The following SLC5A4 variants were observed in gnomAD, a reference collection of about 807,000 sequenced individuals.
The protein encoded by SLC5A4 is solute carrier family 5 member 4.
A neutral mutation model predicts 70.3 loss-of-function variants in SLC5A4; 55 were observed. The observed-to-expected ratio is 0.78, with a 90% CI of 0.63 to 0.98. The LOEUF is 0.98. Ranked by LOEUF, SLC5A4 falls within the 50% of genes least tolerant of loss-of-function variation. The probability of loss-of-function intolerance (pLI) is 0.00; values close to 1 mark genes in which losing one functional copy is unlikely to be tolerated. For synonymous variants in SLC5A4, 268 were observed against 305.7 expected (o/e 0.88, Z 1.29); for missense variants, 735 against 839.2 (o/e 0.88, Z 1.53).
chr22:32,262,000 T>C, the SLC5A4 span, among the ~76,000 whole-genome samples: 1 of 152,200 alleles, frequency 6.6e-6, no homozygotes, highest in Non-Finnish European at 1.5e-5. Context: ...GCAAATGACA[T>C]GATCTCCTTT....
chr22:32,242,502 G>A (rs1926593066), intron 5 of SLC5A4, among the ~76,000 whole-genome samples: 3 of 152,182 alleles, frequency 2.0e-5, no homozygotes, highest in Non-Finnish European at 1.5e-5. Context: ...GAGATCAGGA[G>A]TTCGAGACCA....
At chr22:32,322,289 G>A in the SLC5A4 span, among the ~76,000 whole-genome samples, 2,004 of 152,316 alleles carry the variant, frequency 0.013, 41 homozygotes, top group African/African-American at 0.046. Context: ...TGGCCACATG[G>A]TAGAAATGGC....
chr22:32,334,098 C>T, the SLC5A4 span, among the ~76,000 whole-genome samples: 5 of 147,864 alleles, frequency 3.4e-5, no homozygotes, highest in East Asian at 5.9e-4. Flanking sequence ...CACACACACA[C>T]ATCACATAGA....
the SLC5A4 span, among the ~76,000 whole-genome samples, chr22:32,293,851 T>C: frequency 6.6e-6 from 1 of 152,294 alleles, no homozygotes; most frequent in South Asian, 2.1e-4. Flanking sequence ...AGTCTTATTT[T>C]ACCTTCACTC....
intron 12 of SLC5A4, among the ~76,000 whole-genome samples, chr22:32,225,340 T>C (rs987959105): frequency 7.2e-5 from 11 of 152,220 alleles, no homozygotes; most frequent in Admixed American, 3.3e-4. Flanking sequence ...TCAAGCAATT[T>C]GCTTAGGATC....
intron 1 of SLC5A4, among the ~76,000 whole-genome samples, chr22:32,254,542 C>G (rs1014806752): frequency 6.6e-6 from 1 of 152,296 alleles, no homozygotes; most frequent in African/African-American, 2.4e-5. Context: ...CGGTGGCTCA[C>G]GCCTGTAATT....
chr22:32,331,338 C>T, the SLC5A4 span, among the ~76,000 whole-genome samples: 26 of 151,864 alleles, frequency 1.7e-4, no homozygotes, highest in African/African-American at 5.6e-4. Context: ...GAGTTTCCAG[C>T]AAAATGGCAA....
At chr22:32,309,924 G>A in the SLC5A4 span, among the ~76,000 whole-genome samples, 1 of 151,196 alleles carries the variant, frequency 6.6e-6, no homozygotes, top group African/African-American at 2.4e-5. Flanking sequence ...CTCTGCTGAG[G>A]CCTCTTCCTT....
the SLC5A4 span, among the ~76,000 whole-genome samples, chr22:32,305,147 G>C: frequency 4.9e-3 from 748 of 151,750 alleles, 2 homozygotes; most frequent in South Asian, 0.017. Flanking sequence ...ACCTTAATTT[G>C]GGTTATTATG....
At chr22:32,314,078 C>T in the SLC5A4 span, among the ~76,000 whole-genome samples, 1 of 152,164 alleles carries the variant, frequency 6.6e-6, no homozygotes, top group Non-Finnish European at 1.5e-5. Flanking sequence ...CAGCAAAGCC[C>T]ACCTCCCCAG....
At chr22:32,333,713 A>G in the SLC5A4 span, among the ~76,000 whole-genome samples, 6 of 151,976 alleles carry the variant, frequency 3.9e-5, no homozygotes, top group African/African-American at 1.2e-4. Flanking sequence ...TCTACTGCCC[A>G]GGACAGTAAA....
intron 1 of SLC5A4, among the ~76,000 whole-genome samples, chr22:32,254,606 C>T (rs556426370): frequency 1.1e-4 from 17 of 152,168 alleles, no homozygotes; most frequent in Non-Finnish European, 1.2e-4. Flanking sequence ...AGATCGAGAC[C>T]ATCCTGGCCA....
the SLC5A4 span, among the ~76,000 whole-genome samples, chr22:32,340,536 T>C: frequency 1.3e-5 from 2 of 152,168 alleles, no homozygotes; most frequent in African/African-American, 4.8e-5. Context: ...ACAAGGCAGC[T>C]GAAGGAGGAC....
At chr22:32,287,718 T>A in the SLC5A4 span, among the ~76,000 whole-genome samples, 1 of 151,960 alleles carries the variant, frequency 6.6e-6, no homozygotes, top group Non-Finnish European at 1.5e-5. Context: ...ACTCCTGACA[T>A]CAGGTGATCC....
the SLC5A4 span, among the ~76,000 whole-genome samples, chr22:32,267,697 T>G: frequency 1.3e-5 from 2 of 152,210 alleles, no homozygotes; most frequent in Non-Finnish European, 2.9e-5. Context: ...CTCATTACAT[T>G]TTCCAAATCC....
chr22:32,306,950 AG>A, the SLC5A4 span, among the ~76,000 whole-genome samples: 3 of 152,190 alleles, frequency 2.0e-5, no homozygotes, highest in African/African-American at 7.2e-5. Context: ...AGTTGTGGCC[AG>A]GGTGGCCATG....
the SLC5A4 span, among the ~76,000 whole-genome samples, chr22:32,306,830 C>T: frequency 6.6e-6 from 1 of 152,178 alleles, no homozygotes; most frequent in African/African-American, 2.4e-5. Flanking sequence ...ATGATGTATG[C>T]TACTAGCTTT....
the SLC5A4 span, among the ~76,000 whole-genome samples, chr22:32,352,959 A>G: frequency 1.3e-5 from 2 of 152,252 alleles, no homozygotes; most frequent in Non-Finnish European, 2.9e-5. Context: ...TCCAGCCTCC[A>G]GCAGGCGGCT....
At chr22:32,354,020 G>A in the SLC5A4 span, among the ~76,000 whole-genome samples, 5 of 151,298 alleles carry the variant, frequency 3.3e-5, no homozygotes, top group Non-Finnish European at 7.4e-5. Flanking sequence ...CCCCTGCGCG[G>A]GCAAGGTAGC....
Sources: allele counts gnomAD v4.1 joint callset (sites outside exome capture counted in the v4.1 genomes callset), GRCh38; gene constraint gnomAD v4.1.1; transcripts MANE v1.5; gene names NCBI Gene and HGNC (gene_info 2026-07-23, HGNC 2026-07-21).